Variants in SHARPIN observed in about 807,000 individuals in gnomAD.
The protein encoded by SHARPIN is hSIPL1.
Under a neutral mutation model 40.3 loss-of-function variants are expected in SHARPIN, and 25 were observed. The ratio of observed to expected loss-of-function variants is 0.62; its 90% CI spans 0.45 to 0.87. The LOEUF (loss-of-function observed/expected upper bound fraction) is 0.87. Ranked by LOEUF, SHARPIN falls within the 40% of genes least tolerant of loss-of-function variation. The pLI is 0.00. For missense variants in SHARPIN, 551 were observed against 516.1 expected (o/e 1.07, Z -0.66); for synonymous variants, 274 against 221.8 (o/e 1.24, Z -2.09).
At position 144,103,140 on chromosome 8, in the gene SHARPIN, G is replaced by C; in HGVS notation, c.287C>G (p.Pro96Arg). ...QHELQPPPGGPGTLSLHFLNP... is the reference protein window; with the variant it reads ...QHELQPPPGGRGTLSLHFLNP... ...GAGGAAGTGCAGGCTGAGGGTTCCA[G>C]GCCCTCCTGGTGGAGGCTGTAGCTC... The change falls in exon 2 of 9, where the codon CCT (proline) becomes CGT (arginine). Residue 96 changes from proline to arginine, a missense_variant. Physicochemically the swap from Pro to Arg is moderately radical, Grantham distance 103. Transcript: ENST00000398712. 6.2e-7 allele frequency: 1 copy of C among 1,613,816 alleles called. No individual in the cohort carries two copies. Among genetic ancestry groups the C allele is most frequent in the Non-Finnish European group, 8.5e-7 (1 of 1,179,986 alleles).
Position 144,099,861 on chromosome 8 carries a change from G to A in SHARPIN, c.518-17C>T, listed in dbSNP as rs745592037. The A allele has an allele frequency of 4.3e-6, 7 of 1,611,930 alleles. No individual in the cohort carries two copies. The highest frequency in any genetic ancestry group is 2.7e-5 in the African/African-American group (2 of 74,888). ...CCAGCTCTTCTGCAGGGTAAGGAAA[G>A]GACAGCTGTCACCACTGGGGACTAT... On this transcript the variant is annotated splice_polypyrimidine_tract_variant and intron_variant, in intron 3 of 8. Coordinates refer to ENST00000398712, the MANE Select transcript of SHARPIN (RefSeq NM_030974.4).
At position 144,099,306 on chromosome 8, in the gene SHARPIN, T is replaced by G; in HGVS notation, c.893A>C (p.Tyr298Ser). The G allele has an allele frequency of 6.2e-7, 1 of 1,613,888 alleles. No individual in the cohort carries two copies. The highest frequency in any genetic ancestry group is 8.5e-7 in the Non-Finnish European group (1 of 1,179,924). Residue 298 changes from tyrosine (Y) to serine (S), a missense_variant, in exon 6 of 9, where the codon TAC becomes TCC. Coordinates refer to ENST00000398712, the MANE Select transcript of SHARPIN (RefSeq NM_030974.4). ...GGCTTCTCGAGGAGCTGACAGCAAG[T>G]AGAGGAAAGCAGGGTCCCCATCCTG... The part of the protein sequence containing the change: ...VRQDGDPAFL[Y>S]LLSAPREAPA...
chr8:144,103,450 A>C, intron 1 of SHARPIN, 103 bp downstream of exon 1: 2 of 1,262,686 alleles, frequency 1.6e-6, no homozygotes, highest in Non-Finnish European at 2.2e-6. Flanking sequence ...AAGAAACATA[A>C]CTGCTTAAGG....
chr8:144,098,680 C>A lies in SHARPIN; in HGVS notation c.*121G>T. 2.0e-6 allele frequency: 1 copy of A among 491,456 alleles called. No individual in the cohort carries two copies. The highest frequency in any genetic ancestry group is 3.6e-6 in the Non-Finnish European group (1 of 279,108). 30.4% of individuals were successfully genotyped at this position (491,456 alleles called of 1,614,324 possible). A position where few individuals can be genotyped will look rare whatever the true frequency, so the allele number is the denominator to read the frequency against. On this transcript the variant is annotated 3_prime_UTR_variant, in exon 9 of 9. Transcript: ENST00000398712. The stretch of plus-strand genomic sequence containing the variant: ...AATGGTTTCATTTTGTGGCCCTTCC[C>A]CCCAACCCTGGTGACTGTCCCAGCA...
intron 3 of SHARPIN, 36 bp downstream of exon 3, chr8:144,099,893 T>TGCCCCCCCCCCCCCCCCCCCC: frequency 6.4e-7 from 1 of 1,550,830 alleles, no homozygotes. Context: ...CTATCTGCTA[T>TGCCCCCCCCCCCCCCCCCCCC]CCCCGAACCC....
intron 2 of SHARPIN, chr8:144,102,722 T>G: frequency 2.3e-6 from 1 of 444,368 alleles, no homozygotes; most frequent in South Asian, 2.3e-5. Context: ...GCTCTTGGGA[T>G]GATGTCTTCT....
chr8:144,100,580 G>A (rs1276542676), intron 2 of SHARPIN, among the ~76,000 whole-genome samples: 3 of 152,208 alleles, frequency 2.0e-5, no homozygotes, highest in East Asian at 3.9e-4. Flanking sequence ...CAATGGGGGG[G>A]TCCCCATCCA....
At position 144,099,191 on chromosome 8, in the gene SHARPIN, G is replaced by A. The variant is rs1321652120; in HGVS notation, c.937C>T (p.Pro313Ser). The A allele has an allele frequency of 3.7e-6, 6 of 1,604,478 alleles. No homozygotes were observed. The highest frequency in any genetic ancestry group is 5.1e-6 in the Non-Finnish European group (6 of 1,176,302). ...PREAPATGPS[P>S]QHPQKMDGEL... The stretch of plus-strand genomic sequence containing the variant: ...CCGTCCATCTTCTGGGGGTGCTGAG[G>A]GCTAGGTCCTGTGGCTGAGGGGGTG... The change falls in exon 7 of 9, where the codon CCT becomes TCT. Residue 313 changes from proline to serine, a missense_variant. Coordinates refer to ENST00000398712, the MANE Select transcript of SHARPIN (RefSeq NM_030974.4).
At chr8:144,101,618 G>A (rs1209428828) in intron 2 of SHARPIN, among the ~76,000 whole-genome samples, 6 of 131,990 alleles carry the variant, frequency 4.5e-5, no homozygotes, top group South Asian at 2.4e-4. Flanking sequence ...GGGTTTCACC[G>A]TGTTAGCCAG....
In SHARPIN at chr8:144,102,906, C is replaced by A. The variant is rs374306893; in HGVS notation, c.376+145G>T. 10 of 989,356 alleles carry A rather than the reference C, an allele frequency of 1.0e-5. No homozygotes were observed. In the African/African-American group the frequency reaches 1.6e-4, roughly 16 times the overall value. 61.3% of individuals were successfully genotyped at this position (989,356 alleles called of 1,614,324 possible). A position where few individuals can be genotyped will look rare whatever the true frequency, so the allele number is the denominator to read the frequency against. The stretch of plus-strand genomic sequence containing the variant: ...GACTCCAGCAGCCACTCCAAGTACT[C>A]CAAGCTACTCCAGGCTCCACCTACT... On this transcript the variant is annotated intron_variant, in intron 2 of 8. Transcript: ENST00000398712.
Position 144,099,320 on chromosome 8 carries a change from G to T in SHARPIN, c.879C>A (p.Asp293Glu). ...CTGACAGCAAGTAGAGGAAAGCAGG[G>T]TCCCCATCCTGCCGAACCCCGTAAG... Reference protein sequence around the residue: ...LASYGVRQDGDPAFLYLLSAP... With the variant: ...LASYGVRQDGEPAFLYLLSAP... The change falls in exon 6 of 9, where the codon GAC becomes GAA. Residue 293 changes from aspartate to glutamate, a missense_variant. Coordinates refer to ENST00000398712, the MANE Select transcript of SHARPIN (RefSeq NM_030974.4). 1 of 1,614,124 alleles carries T rather than the reference G, an allele frequency of 6.2e-7. No individual in the cohort carries two copies. The highest frequency in any genetic ancestry group is 2.2e-5 in the East Asian group (1 of 44,884).
chr8:144,103,437 G>C (rs1836331713), intron 1 of SHARPIN, 116 bp downstream of exon 1: 4 of 1,201,744 alleles, frequency 3.3e-6, no homozygotes, highest in Non-Finnish European at 4.6e-6. Context: ...GAAAACAGAA[G>C]CAAAGAAACA....
intron 4 of SHARPIN, 38 bp from the exon 5 acceptor site, chr8:144,099,656 C>A: frequency 6.2e-7 from 1 of 1,613,052 alleles, no homozygotes; most frequent in South Asian, 1.1e-5. Flanking sequence ...GATGGGGGAC[C>A]TGGGATGGTC....
rs1402176685 is a variant in SHARPIN at position 144,099,974 on chromosome 8, G to A, written c.472C>T (p.Pro158Ser). The change falls in exon 3 of 9, where the codon CCT (proline) becomes TCT (serine). Residue 158 changes from proline to serine, a missense_variant. Coordinates refer to ENST00000398712, the MANE Select transcript of SHARPIN (RefSeq NM_030974.4). The stretch of plus-strand genomic sequence containing the variant: ...GGGCTCCTAGGAAGATCTGCCTCAG[G>A]TGGAGGGCCCTTGAGTGTGGAGGCT... ...PEASTLKGPP[P>S]EADLPRSPGN... 1.9e-6 allele frequency: 3 copies of A among 1,612,764 alleles called. No homozygotes were observed. In the African/African-American group the frequency reaches 4.0e-5, roughly 22 times the overall value.
intron 2 of SHARPIN, 42 bp downstream of exon 2, chr8:144,103,009 G>A (rs1214799463): frequency 3.1e-6 from 5 of 1,611,426 alleles, no homozygotes; most frequent in Middle Eastern, 1.7e-4. Context: ...GGGGGGCCAA[G>A]GCTATTCCAA....
chr8:144,103,074 C>A lies in SHARPIN; in HGVS notation c.353G>T (p.Gly118Val), dbSNP rs373735012. The change falls in exon 2 of 9, where the codon GGT (glycine) becomes GTT (valine). Residue 118 changes from glycine to valine, a missense_variant. Transcript: ENST00000398712. Reference sequence around the variant, plus strand: ...ACCATTCTGTCCTTCCACGGTGGCACCTCGGACTAGGACTGCCCACCGCTG... The same window carrying A: ...ACCATTCTGTCCTTCCACGGTGGCAACTCGGACTAGGACTGCCCACCGCTG... The part of the protein sequence containing the change: ...EAQRWAVLVR[G>V]ATVEGQNGSK... 2.0e-5 allele frequency: 33 copies of A among 1,613,208 alleles called. No individual in the cohort carries two copies. In the South Asian group the frequency reaches 3.2e-4, roughly 16 times the overall value.
At position 144,103,112 on chromosome 8, in the gene SHARPIN, G is replaced by A. The variant is rs1836321941; in HGVS notation, c.315C>T (p.Asn105=). The A allele has an allele frequency of 1.2e-6, 2 of 1,613,630 alleles. No homozygotes were observed. Among genetic ancestry groups the A allele is most frequent in the Non-Finnish European group, 1.7e-6 (2 of 1,179,962 alleles). Residue 105 remains asparagine, a synonymous_variant, in exon 2 of 9, where the codon AAC becomes AAT. Coordinates refer to ENST00000398712, the MANE Select transcript of SHARPIN (RefSeq NM_030974.4). The part of the protein sequence containing the change: ...GPGTLSLHFL[N]PQEAQRWAVL... ...CTGCCCACCGCTGAGCTTCCTGAGG[G>A]TTGAGGAAGTGCAGGCTGAGGGTTC... is the stretch of plus-strand genomic sequence containing the variant.
chr8:144,098,984 G>C lies in SHARPIN; in HGVS notation c.1058C>G (p.Ser353Cys), dbSNP rs751022913. The change falls in exon 8 of 9, where the codon TCC becomes TGC. Residue 353 changes from serine to cysteine, a missense_variant. Transcript: ENST00000398712. ...ATTGATGAAGGTGCAGGAAGGACAG[G>C]ACCAGCTGGGCTGGGGGAAGAGAGA... ...SLPSPLQPSW[S>C]CPSCTFINAP... The C allele has an allele frequency of 1.2e-6, 2 of 1,603,112 alleles. No homozygotes were observed. The highest frequency in any genetic ancestry group is 2.7e-5 in the African/African-American group (2 of 74,044).
chr8:144,102,728 C>T (rs536603239), intron 2 of SHARPIN: 11 of 461,994 alleles, frequency 2.4e-5, no homozygotes, highest in South Asian at 6.6e-5. Context: ...GGGATGATGT[C>T]TTCTCACACA....
Sources: allele counts gnomAD v4.1 joint callset (sites outside exome capture counted in the v4.1 genomes callset), GRCh38; gene constraint gnomAD v4.1.1; transcripts MANE v1.5; gene names NCBI Gene and HGNC (gene_info 2026-07-23, HGNC 2026-07-21).